The following PPP2R2C variants were observed in gnomAD, a reference collection of about 807,000 sequenced individuals.
PPP2R2C encodes protein phosphatase 2, regulatory subunit B, gamma.
A neutral mutation model predicts 45.3 loss-of-function variants in PPP2R2C; 10 were observed. The ratio of observed to expected loss-of-function variants is 0.22; its 90% confidence interval spans 0.14 to 0.37. The LOEUF is 0.37. PPP2R2C is among the 10% of genes least tolerant of loss of function. PPP2R2C has a pLI of 1.00. For missense variants in PPP2R2C, 308 were observed against 619.7 expected (o/e 0.50, Z 5.34); for synonymous variants, 257 against 245.4 (o/e 1.05, Z -0.44).
At chr4:6,428,910 T>G (rs1330563874) in intron 1 of PPP2R2C, among the ~76,000 whole-genome samples, 2 of 152,212 alleles carry the variant, frequency 1.3e-5, no homozygotes, top group African/African-American at 2.4e-5. Flanking sequence ...TCCTGCAAGG[T>G]CTTTCACTAT....
chr4:6,521,687 C>CCGCT (rs1322163634), intron 2 of PPP2R2C, among the ~76,000 whole-genome samples: 1 of 152,218 alleles, frequency 6.6e-6, no homozygotes, highest in Admixed American at 6.5e-5. Flanking sequence ...GGAGCTGGTA[C>CCGCT]CGCTTCCCCT....
chr4:6,489,937 G>T (rs191667632), intron 2 of PPP2R2C, among the ~76,000 whole-genome samples: 6 of 152,338 alleles, frequency 3.9e-5, no homozygotes, highest in Non-Finnish European at 7.3e-5. Context: ...AATGGGCATA[G>T]AGCTAATCCC....
At chr4:6,448,767 C>A (rs747220709) in intron 1 of PPP2R2C, among the ~76,000 whole-genome samples, 69 of 152,176 alleles carry the variant, frequency 4.5e-4, no homozygotes, top group Non-Finnish European at 8.8e-4. Flanking sequence ...GCCTGGCTGT[C>A]CTCCTCCCCC....
intron 1 of PPP2R2C, among the ~76,000 whole-genome samples, chr4:6,542,613 A>G (rs1264665616): frequency 1.3e-5 from 2 of 151,582 alleles, no homozygotes; most frequent in African/African-American, 4.8e-5. Flanking sequence ...TGAGGCAGGG[A>G]GAATTGCTTG....
At chr4:6,517,564 G>A (rs1723863190) in intron 2 of PPP2R2C, among the ~76,000 whole-genome samples, 1 of 152,174 alleles carries the variant, frequency 6.6e-6, no homozygotes, top group African/African-American at 2.4e-5. Flanking sequence ...TTTTGCAAAT[G>A]AAGAAACTGA....
intron 5 of PPP2R2C, among the ~76,000 whole-genome samples, chr4:6,367,637 T>A (rs949025316): frequency 1.5e-4 from 23 of 152,164 alleles, no homozygotes; most frequent in African/African-American, 5.6e-4. Flanking sequence ...CTCCTCTCAT[T>A]ACTCGGCTGC....
chr4:6,508,352 C>CGAGGT lies in PPP2R2C; in HGVS notation c.49+26914_49+26918dup, dbSNP rs547216809. Among the ~76,000 whole-genome samples the CGAGGT allele has an allele frequency of 4.4e-3, 668 of 152,154 alleles. 4 individuals carry two copies. Among genetic ancestry groups the CGAGGT allele is most frequent in the African/African-American group, 0.015 (617 of 41,526 alleles). ...CTGTAATCCCAGCACTTTGGGAGGC[C>CGAGGT]GAGGTGGGCGAATCACGAGGTCAGG... On this transcript the variant is annotated intron_variant, in intron 2 of 9. Transcript: ENST00000506140.
Position 6,470,600 on chromosome 4 carries a change from C to G in PPP2R2C, c.70+1560G>C, listed in dbSNP as rs564261453. ...AACCTGCCAAGATCCGCTCTCGGCC[C>G]GAGCCAGGCCACCGAGGCACGGGCC... is the stretch of plus-strand genomic sequence containing the variant. On this transcript the variant is annotated intron_variant, in intron 1 of 8. Transcript: ENST00000382599. 1.6e-4 allele frequency among the ~76,000 whole-genome samples: 25 copies of G among 152,304 alleles called. No homozygotes were observed. In the East Asian group the frequency reaches 4.3e-3, roughly 26 times the overall value.
chr4:6,470,857 G>T (rs1721831707), intron 1 of PPP2R2C, among the ~76,000 whole-genome samples: 1 of 152,014 alleles, frequency 6.6e-6, no homozygotes, highest in Non-Finnish European at 1.5e-5. Flanking sequence ...GCGTGACTCA[G>T]CGGTTCTCCC....
intron 2 of PPP2R2C, among the ~76,000 whole-genome samples, chr4:6,480,697 G>A (rs1222466000): frequency 6.6e-6 from 1 of 152,154 alleles, no homozygotes; most frequent in African/African-American, 2.4e-5. Flanking sequence ...CGAGACCACT[G>A]AGTCATACTG....
chr4:6,558,648 G>C (rs1371931368), intron 1 of PPP2R2C, among the ~76,000 whole-genome samples: 1 of 152,202 alleles, frequency 6.6e-6, no homozygotes, highest in Admixed American at 6.5e-5. Context: ...CTACACAATG[G>C]AAGAGGCTCT....
chr4:6,501,802 A>G (rs1723064981), intron 2 of PPP2R2C, among the ~76,000 whole-genome samples: 1 of 152,238 alleles, frequency 6.6e-6, no homozygotes, highest in Admixed American at 6.5e-5. Context: ...CGAGGACCTC[A>G]GCCTCCAGAG....
chr4:6,490,524 G>A (rs896972450), intron 2 of PPP2R2C, among the ~76,000 whole-genome samples: 9 of 152,300 alleles, frequency 5.9e-5, no homozygotes, highest in South Asian at 2.1e-4. Flanking sequence ...GCACCCAATC[G>A]TGCCTTGAGG....
At chr4:6,424,721 C>T (rs373193323) in intron 1 of PPP2R2C, among the ~76,000 whole-genome samples, 1 of 152,118 alleles carries the variant, frequency 6.6e-6, no homozygotes, top group Non-Finnish European at 1.5e-5. Context: ...TGCAAGGGTT[C>T]AGGGATGGGA....
chr4:6,384,939 G>A (rs1158825612), intron 1 of PPP2R2C: 7 of 809,240 alleles, frequency 8.7e-6, no homozygotes, highest in Admixed American at 6.3e-5. Context: ...CTGAGCCTTG[G>A]TTTCATTATC....
intron 6 of PPP2R2C, among the ~76,000 whole-genome samples, chr4:6,346,629 C>T (rs886982751): frequency 4.6e-5 from 7 of 152,152 alleles, no homozygotes; most frequent in African/African-American, 1.2e-4. Context: ...ACACACGGAG[C>T]GTGGACAAAC....
chr4:6,413,198 C>A (rs545841471), intron 1 of PPP2R2C, among the ~76,000 whole-genome samples: 1 of 152,146 alleles, frequency 6.6e-6, no homozygotes, highest in East Asian at 1.9e-4. Flanking sequence ...CACACACACG[C>A]CAATGTGCTC....
chr4:6,323,318 T>C lies in PPP2R2C; in HGVS notation c.1328A>G (p.Asn443Ser). The change falls in exon 9 of 9, where the codon AAC (asparagine) becomes AGC (serine). Residue 443 changes from asparagine to serine, a missense_variant. Coordinates refer to ENST00000382599, the MANE Select transcript of PPP2R2C (RefSeq NM_020416.4). ...TGCACATACCTAGTGCATGTCAGAG[T>C]TTACCTTGTCCTGGAAGATGTACAG... ...NNLYIFQDKVNSDMH is the reference protein window; with the variant it reads ...NNLYIFQDKVSSDMH 1 of 1,603,920 alleles carries C rather than the reference T, an allele frequency of 6.2e-7. No homozygotes were observed. Among genetic ancestry groups the C allele is most frequent in the Non-Finnish European group, 8.5e-7 (1 of 1,171,696 alleles).
intron 1 of PPP2R2C, among the ~76,000 whole-genome samples, chr4:6,449,116 A>G (rs1042511296): frequency 1.3e-5 from 2 of 152,004 alleles, no homozygotes; most frequent in African/African-American, 4.8e-5. Flanking sequence ...CACACACCCA[A>G]CCACACCAAG....
Sources: gnomAD v4.1 joint callset for allele counts (sites outside exome capture counted in the v4.1 genomes callset) on GRCh38, gnomAD v4.1.1 for gene constraint, MANE v1.5 for transcripts, NCBI Gene and HGNC (gene_info 2026-07-23, HGNC 2026-07-21) for gene names.